Variants in SEPTIN2 observed in about 807,000 individuals in gnomAD.
SEPTIN2 encodes septin-2.
Under a neutral mutation model 46.5 loss-of-function variants are expected in SEPTIN2, and 34 were observed. The observed-to-expected ratio is 0.73, with a 90% CI of 0.56 to 0.97. The LOEUF (loss-of-function observed/expected upper bound fraction) is 0.97, where lower values mean the gene tolerates loss of function less well. Among genes scored for constraint, SEPTIN2 ranks in the 50% least tolerant of loss-of-function variants. The pLI is 0.00. For synonymous variants in SEPTIN2, 175 were observed against 153.4 expected, an observed-to-expected ratio of 1.14 and a Z score of -1.04; for missense variants, 347 against 448.4, an observed-to-expected ratio of 0.77 and a Z score of 2.04.
At chr2:241,328,584 A>AG (rs1230803345) in intron 3 of SEPTIN2, among the ~76,000 whole-genome samples, 1 of 151,784 alleles carries the variant, frequency 6.6e-6, no homozygotes, top group East Asian at 1.9e-4. Flanking sequence ...TAAAAAAAAA[A>AG]ATACTAAATT....
chr2:241,337,316 C>A, intron 5 of SEPTIN2, 66 bp from the exon 6 acceptor site: 1 of 1,409,162 alleles, frequency 7.1e-7, no homozygotes, highest in Non-Finnish European at 9.7e-7. Flanking sequence ...ACTTGTTTTC[C>A]CTTTGAAGTC....
chr2:241,320,835 T>C (rs2077011603), intron 1 of SEPTIN2, among the ~76,000 whole-genome samples: 1 of 152,048 alleles, frequency 6.6e-6, no homozygotes, highest in Admixed American at 6.6e-5. Context: ...TACCCTTCTT[T>C]TTCCCCCCCT....
chr2:241,348,151 A>G lies in SEPTIN2; in HGVS notation c.944A>G (p.Asp315Gly), dbSNP rs1253021410. The G allele has an allele frequency of 8.7e-6, 14 of 1,613,002 alleles. No individual in the cohort carries two copies. Among genetic ancestry groups the G allele is most frequent in the Non-Finnish European group, 9.3e-6 (11 of 1,179,468 alleles). ...KRGGRKVENE[D>G]MNKDQILLEK... ...ATTCTTAGGAAAGTGGAGAATGAGG[A>G]CATGAATAAAGACCAGATCTTGCTG... The change falls in exon 11 of 13, where the codon GAC becomes GGC. Residue 315 changes from aspartate (D) to glycine (G), a missense_variant. Asp to Gly is a moderately conservative substitution (Grantham distance 94, BLOSUM62 -1). Transcript: ENST00000391971.
At position 241,353,426 on chromosome 2, in the gene SEPTIN2, A is replaced by T. The variant is rs1355343098; in HGVS notation, c.*1489A>T. 1.3e-5 allele frequency: 2 copies of T among 152,214 alleles called. No individual in the cohort carries two copies. The highest frequency in any genetic ancestry group is 2.9e-5 in the Non-Finnish European group (2 of 68,032). The allele number at this position is 152,214 out of a possible 1,614,324, so 9.4% of individuals were successfully genotyped here. Reference sequence around the variant, plus strand: ...AAGGAGACAATGGTTGTGTAGGGAGATGGAGAAAATGCTTAATCTGAGGAT... The same window carrying T: ...AAGGAGACAATGGTTGTGTAGGGAGTTGGAGAAAATGCTTAATCTGAGGAT... On this transcript the variant is annotated 3_prime_UTR_variant, in exon 13 of 13. Coordinates refer to ENST00000391971, the MANE Select transcript of SEPTIN2 (RefSeq NM_004404.5).
At chr2:241,339,046 CA>C (rs1454745536) in intron 7 of SEPTIN2, among the ~76,000 whole-genome samples, 5 of 124,874 alleles carry the variant, frequency 4.0e-5, no homozygotes, top group African/African-American at 1.5e-4. Flanking sequence ...ATTATATATA[CA>C]TTTTTATATA....
chr2:241,341,233 T>TACCC (rs1237403862), intron 7 of SEPTIN2, among the ~76,000 whole-genome samples: 3 of 152,250 alleles, frequency 2.0e-5, no homozygotes, highest in Admixed American at 6.5e-5. Context: ...GAACCACATT[T>TACCC]ACCCACAGGA....
chr2:241,335,953 A>G (rs769432062), intron 4 of SEPTIN2, 22 bp from the exon 5 acceptor site: 3 of 1,614,008 alleles, frequency 1.9e-6, no homozygotes, highest in South Asian at 2.2e-5. Flanking sequence ...TATATTCCCT[A>G]TTAAGTTTGT....
chr2:241,340,831 C>T (rs1445453193), intron 7 of SEPTIN2, among the ~76,000 whole-genome samples: 3 of 152,224 alleles, frequency 2.0e-5, no homozygotes, highest in African/African-American at 7.2e-5. Flanking sequence ...GCCCTATCTA[C>T]AAGAACCTCT....
chr2:241,340,298 G>C (rs1165779587), intron 7 of SEPTIN2, among the ~76,000 whole-genome samples: 1 of 152,116 alleles, frequency 6.6e-6, no homozygotes, highest in Non-Finnish European at 1.5e-5. Context: ...CAGGTTGCAG[G>C]GACTTGGCTC....
chr2:241,346,256 A>G lies in SEPTIN2; in HGVS notation c.926+7A>G. 2 of 1,612,204 alleles carry G rather than the reference A, an allele frequency of 1.2e-6. No individual in the cohort carries two copies. The highest frequency in any genetic ancestry group is 1.7e-6 in the Non-Finnish European group (2 of 1,178,444). On this transcript the variant is annotated splice_region_variant and intron_variant, in intron 10 of 12. Transcript: ENST00000391971. ...GACTCAAGAGAGGCGGCAGGTCATC[A>G]CACTGTGCCCCTTTCTCTGTATTGT...
chr2:241,326,671 T>G (rs945192343), intron 3 of SEPTIN2, among the ~76,000 whole-genome samples: 6 of 151,692 alleles, frequency 4.0e-5, no homozygotes, highest in African/African-American at 1.5e-4. Context: ...TTGCCTCTTC[T>G]CAAATTACTC....
At chr2:241,349,006 T>C (rs1324225836) in intron 11 of SEPTIN2, among the ~76,000 whole-genome samples, 2 of 152,206 alleles carry the variant, frequency 1.3e-5, no homozygotes, top group African/African-American at 2.4e-5. Context: ...TATAATACTT[T>C]CCTGGAGGCA....
At chr2:241,321,928 C>T (rs2077191507) in intron 1 of SEPTIN2, among the ~76,000 whole-genome samples, 1 of 152,180 alleles carries the variant, frequency 6.6e-6, no homozygotes, top group African/African-American at 2.4e-5. Flanking sequence ...CCTTCTCTTT[C>T]CCTTTAGGAA....
intron 1 of SEPTIN2, among the ~76,000 whole-genome samples, chr2:241,318,782 C>G (rs1439604223): frequency 1.3e-5 from 2 of 151,344 alleles, no homozygotes; most frequent in Non-Finnish European, 2.9e-5. Flanking sequence ...CTCACTGCAC[C>G]CTCCACCTCC....
chr2:241,346,226 T>C lies in SEPTIN2; in HGVS notation c.903T>C (p.Ser301=). The C allele has an allele frequency of 6.2e-7, 1 of 1,613,978 alleles. No homozygotes were observed. Among genetic ancestry groups the C allele is most frequent in the Non-Finnish European group, 8.5e-7 (1 of 1,179,896 alleles). ...TQDLHYENFR[S]ERLKRGGRKV... ...ACCTTCATTATGAAAACTTCCGTTC[T>C]GAGAGACTCAAGAGAGGCGGCAGGT... is the stretch of plus-strand genomic sequence containing the variant. The change falls in exon 10 of 13, where the codon TCT becomes TCC. Residue 301 remains serine (S), a synonymous_variant. Coordinates refer to ENST00000391971, the MANE Select transcript of SEPTIN2 (RefSeq NM_004404.5).
chr2:241,324,967 TG>T (rs1295249139), intron 2 of SEPTIN2: 2 of 123,294 alleles, frequency 1.6e-5, no homozygotes, highest in Admixed American at 9.0e-5. Context: ...TTATTATTTC[TG>T]TTTTTTTTTT....
chr2:241,329,095 T>TTTG (rs200481002), intron 3 of SEPTIN2, among the ~76,000 whole-genome samples: 45 of 151,932 alleles, frequency 3.0e-4, no homozygotes, highest in South Asian at 1.2e-3. Context: ...ATGTAAATCT[T>TTTG]TTGTTGTTGT....
chr2:241,343,711 T>G (rs950259051), intron 8 of SEPTIN2, 41 bp from the exon 9 acceptor site: 1 of 1,611,500 alleles, frequency 6.2e-7, no homozygotes, highest in Non-Finnish European at 8.5e-7. Flanking sequence ...ACTCTGGGGT[T>G]CCCTGTGTGG....
intron 1 of SEPTIN2, among the ~76,000 whole-genome samples, chr2:241,323,164 C>T (rs1432121060): frequency 6.6e-6 from 1 of 151,100 alleles, no homozygotes; most frequent in Non-Finnish European, 1.5e-5. Context: ...CTGCACCCAG[C>T]CACCATCTAA....
Sources: allele counts gnomAD v4.1 joint callset (sites outside exome capture counted in the v4.1 genomes callset), GRCh38; gene constraint gnomAD v4.1.1; transcripts MANE v1.5; gene names NCBI Gene and HGNC (gene_info 2026-07-23, HGNC 2026-07-21).